Variants in MVP observed in about 807,000 individuals in gnomAD.
MVP encodes major vault protein, also known as lung resistance-related protein.
In MVP, 62 loss-of-function variants were observed where a neutral mutation model predicts 83.5. The observed-to-expected ratio is 0.74, with a 90% CI of 0.61 to 0.92. The LOEUF (loss-of-function observed/expected upper bound fraction) is 0.92. MVP is among the 40% of genes least tolerant of loss of function. The probability of loss-of-function intolerance (pLI) is 0.00; values close to 1 mark genes in which losing one functional copy is unlikely to be tolerated. For missense variants in MVP, 1,000 were observed against 1,203.4 expected (o/e 0.83, Z 2.50); for synonymous variants, 505 against 504.1 (o/e 1.00, Z -0.02).
intron 11 of MVP, 84 bp downstream of exon 11, chr16:29,844,963 A>T: frequency 6.8e-7 from 1 of 1,477,912 alleles, no homozygotes; most frequent in South Asian, 1.3e-5. Context: ...TCCCTTGTGG[A>T]CTGCCTGCTG....
chr16:29,824,441 C>T (rs937629015), intron 1 of MVP, among the ~76,000 whole-genome samples: 1 of 152,020 alleles, frequency 6.6e-6, no homozygotes, highest in Non-Finnish European at 1.5e-5. Flanking sequence ...ACCCCGTAGG[C>T]AGTGTGGTCA....
intron 3 of MVP, chr16:29,831,543 C>T (rs2067442328): frequency 2.2e-6 from 1 of 451,838 alleles, no homozygotes; most frequent in Non-Finnish European, 4.5e-6. Flanking sequence ...GGAATTGACT[C>T]ACTGTACCTC....
intron 14 of MVP, 42 bp from the exon 15 acceptor site, chr16:29,847,720 G>A (rs547793338): frequency 2.0e-5 from 32 of 1,590,686 alleles, no homozygotes; most frequent in Middle Eastern, 3.3e-4. Context: ...AGTGGCCAGG[G>A]TTTGACGCCC....
intron 10 of MVP, among the ~76,000 whole-genome samples, chr16:29,842,606 A>C (rs2067544459): frequency 6.6e-6 from 1 of 152,000 alleles, no homozygotes; most frequent in Admixed American, 6.6e-5. Flanking sequence ...CACCCGGTCA[A>C]CCCTGTTTCA....
intron 7 of MVP, among the ~76,000 whole-genome samples, chr16:29,839,596 A>G (rs1157246482): frequency 6.6e-6 from 1 of 151,916 alleles, no homozygotes; most frequent in African/African-American, 2.4e-5. Context: ...CAGCTTAGGC[A>G]GCATGGCAAC....
chr16:29,841,139 C>T lies in MVP; in HGVS notation c.1192-457C>T, dbSNP rs1427701700. Among the ~76,000 whole-genome samples, 1 of 151,972 alleles carries T rather than the reference C, an allele frequency of 6.6e-6. No homozygotes were observed. The highest frequency in any genetic ancestry group is 2.4e-5 in the African/African-American group (1 of 41,348). ...TAAAACCTTGACCTTGATTTGACCT[C>T]GGGCCACATCTCCAACCTTCTCTAA... is the stretch of plus-strand genomic sequence containing the variant. On this transcript the variant is annotated intron_variant, in intron 8 of 14. Coordinates refer to ENST00000357402, the MANE Select transcript of MVP (RefSeq NM_005115.5). The surrounding 1 kb of genome is among the most constrained non-coding windows in gnomAD (Gnocchi z 4.7).
chr16:29,830,289 C>T, intron 1 of MVP: 2 of 364,332 alleles, frequency 5.5e-6, no homozygotes, highest in South Asian at 3.0e-5. Context: ...CTCTGTGGCT[C>T]ACTGCATCAA....
intron 5 of MVP, chr16:29,835,502 A>G (rs1474705930): frequency 2.6e-5 from 9 of 342,258 alleles, no homozygotes; most frequent in African/African-American, 2.1e-5. Context: ...AAAAAAAAAA[A>G]AAACTTTTAA....
In MVP at chr16:29,846,176, C is replaced by T. The variant is rs145541123; in HGVS notation, c.2157C>T (p.Thr719=). 6.8e-6 allele frequency: 11 copies of T among 1,610,612 alleles called. No individual in the cohort carries two copies. The highest frequency in any genetic ancestry group is 1.7e-4 in the Middle Eastern group (1 of 5,754). Residue 719 remains threonine, a synonymous_variant, in exon 13 of 15, where the codon ACC becomes ACT. Transcript: ENST00000357402. ...TCCCCAGCATGGCCGTGGAGAGCAC[C>T]GGGACTGCCAAGGCGGAGGCCGAGT... ...LEALSMAVES[T]GTAKAEAESR...
intron 6 of MVP, 79 bp downstream of exon 6, chr16:29,835,877 G>A: frequency 8.6e-7 from 1 of 1,165,940 alleles, no homozygotes; most frequent in Non-Finnish European, 1.3e-6. Context: ...TGGTAGAATG[G>A]CATGAGAGTA....
chr16:29,835,660 C>A, intron 5 of MVP, 44 bp from the exon 6 acceptor site: 1 of 1,541,692 alleles, frequency 6.5e-7, no homozygotes, highest in Non-Finnish European at 8.9e-7. Flanking sequence ...AGGTGGGGAG[C>A]AGGCTGGGGG....
In MVP at chr16:29,840,180, A is replaced by G. The variant is rs535969200; in HGVS notation, c.912A>G (p.Gly304=). The G allele has an allele frequency of 6.2e-7, 1 of 1,607,416 alleles. No homozygotes were observed. The highest frequency in any genetic ancestry group is 1.7e-5 in the Admixed American group (1 of 59,364). The change falls in exon 8 of 15, where the codon GGA becomes GGG. Residue 304 remains glycine, a splice_region_variant and synonymous_variant. Coordinates refer to ENST00000357402, the MANE Select transcript of MVP (RefSeq NM_005115.5). ...CTAACCTCACGTCTCCCCACTAGGG[A>G]GAGAAGTCTTTTTTCCTCCAGCCAG... ...NQLGQKRVVK[G]EKSFFLQPGE... is the part of the protein sequence containing the mutation.
chr16:29,847,848 G>A lies in MVP; in HGVS notation c.2541G>A (p.Gly847=). 6.2e-7 allele frequency: 1 copy of A among 1,614,196 alleles called. No individual in the cohort carries two copies. Among genetic ancestry groups the A allele is most frequent in the Non-Finnish European group, 8.5e-7 (1 of 1,180,036 alleles). The change falls in exon 15 of 15, where the codon GGG becomes GGA. Residue 847 remains glycine (G), a synonymous_variant. Coordinates refer to ENST00000357402, the MANE Select transcript of MVP (RefSeq NM_005115.5). ...TCAACCTCTTCAACACAGCCTTTGG[G>A]CTGCTGGGGATGGGGCCCGAGGGTC... ...TPINLFNTAF[G]LLGMGPEGQP...
Position 29,835,712 on chromosome 16 carries a change from T to A in MVP, c.586T>A (p.Trp196Arg), listed in dbSNP as rs750488218. Residue 196 changes from tryptophan (W) to arginine (R), a missense_variant, in exon 6 of 15, where the codon TGG (tryptophan) becomes AGG (arginine). By Grantham distance (101) the Trp-to-Arg change is moderately radical. Coordinates refer to ENST00000357402, the MANE Select transcript of MVP (RefSeq NM_005115.5). ...CTCCACTCTTGGCCCAGGGGAAGAA[T>A]GGCTGGTCACCACAGTAGGGGCGTA... Reference protein sequence around the residue: ...DGKERVTGEEWLVTTVGAYLP... With the variant: ...DGKERVTGEERLVTTVGAYLP... 1 of 1,613,778 alleles carries A rather than the reference T, an allele frequency of 6.2e-7. No homozygotes were observed. The highest frequency in any genetic ancestry group is 1.3e-5 in the African/African-American group (1 of 74,954).
At chr16:29,838,743 C>T (rs1200385834) in intron 7 of MVP, among the ~76,000 whole-genome samples, 2 of 152,152 alleles carry the variant, frequency 1.3e-5, no homozygotes, top group Non-Finnish European at 2.9e-5. Context: ...GGGAAAATCG[C>T]TTGACCCCAG....
At chr16:29,824,542 A>G (rs1474206764) in intron 1 of MVP, among the ~76,000 whole-genome samples, 1 of 152,198 alleles carries the variant, frequency 6.6e-6, no homozygotes. Flanking sequence ...AGGCAGGCAG[A>G]TTGCCTGAGC....
intron 6 of MVP, among the ~76,000 whole-genome samples, chr16:29,836,469 C>T (rs1253439387): frequency 6.8e-6 from 1 of 147,392 alleles, no homozygotes; most frequent in East Asian, 2.1e-4. Context: ...CAGCTGTACT[C>T]AGGAGGCTGA....
intron 2 of MVP, 71 bp from the exon 3 acceptor site, chr16:29,830,807 C>G (rs1484103242): frequency 1.8e-5 from 28 of 1,574,122 alleles, no homozygotes; most frequent in Non-Finnish European, 2.2e-5. Flanking sequence ...AGGTTTCTCT[C>G]TCATTTGGTG....
rs2067435431 is a variant in MVP, at chr16:29,830,782, G to A, written c.126-96G>A. ...CTCTTCCCAAGCAGGAGTGGCCCTC[G>A]CTTGGGCGATAGAGAGGTTTCTCTC... On this transcript the variant is annotated intron_variant, in intron 2 of 14. Transcript: ENST00000357402. The A allele has an allele frequency of 4.5e-6, 7 of 1,572,152 alleles. No individual in the cohort carries two copies. In the African/African-American group the frequency reaches 5.4e-5, roughly 12 times the overall value.
Sources: gnomAD v4.1 joint callset for allele counts (sites outside exome capture counted in the v4.1 genomes callset) on GRCh38, gnomAD v4.1.1 for gene constraint, Gnocchi (gnomAD v3.1) non-coding constraint, MANE v1.5 for transcripts, NCBI Gene and HGNC (gene_info 2026-07-23, HGNC 2026-07-21) for gene names.